The following MYO1F variants were observed in gnomAD, a reference collection of about 807,000 sequenced individuals.
The protein encoded by MYO1F is unconventional myosin-If.
Under a neutral mutation model 146.6 loss-of-function variants are expected in MYO1F, and 60 were observed. The ratio of observed to expected loss-of-function variants is 0.41; its 90% confidence interval spans 0.33 to 0.51. The LOEUF is 0.51. Ranked by LOEUF, MYO1F falls within the 20% of genes least tolerant of loss-of-function variation. MYO1F has a pLI of 0.25. For missense variants in MYO1F, 1,274 were observed against 1,534.3 expected (o/e 0.83, Z 2.83); for synonymous variants, 602 against 602.1 (o/e 1.00, Z 0.00).
Position 8,522,375 on chromosome 19 carries a change from A to G in MYO1F, c.3220+2T>C, listed in dbSNP as rs1431474386. The G allele has an allele frequency of 1.9e-6, 3 of 1,613,676 alleles. No individual in the cohort carries two copies. The highest frequency in any genetic ancestry group is 2.5e-6 in the Non-Finnish European group (3 of 1,179,954). On this transcript the variant is annotated splice_donor_variant, in intron 27 of 27. Coordinates refer to ENST00000644032, the MANE Select transcript of MYO1F (RefSeq NM_012335.4). LOFTEE classifies it high-confidence loss of function. ...CCCCAGCTTCTGCCCTGGTACACAC[A>G]CCTTCCATGAGGATCTCAATGACCT...
chr19:8,534,396 C>T (rs1972618141), intron 19 of MYO1F, among the ~76,000 whole-genome samples: 1 of 151,856 alleles, frequency 6.6e-6, no homozygotes, highest in African/African-American at 2.4e-5. Context: ...CAACCTCTGC[C>T]TCCCAGGTTC....
intron 1 of MYO1F, among the ~76,000 whole-genome samples, chr19:8,571,168 C>A (rs1468975761): frequency 6.6e-6 from 1 of 152,184 alleles, no homozygotes; most frequent in African/African-American, 2.4e-5. Context: ...CCTTCCTCAC[C>A]CAGGTCCTGC....
intron 23 of MYO1F, 93 bp from the exon 24 acceptor site, chr19:8,526,694 G>C: frequency 6.5e-7 from 1 of 1,531,946 alleles, no homozygotes. Context: ...GCCGCGGCCG[G>C]GGCCGAAGCG....
In MYO1F at chr19:8,526,917, G is replaced by T; in HGVS notation, c.2493C>A (p.Phe831Leu). 6.2e-7 allele frequency: 1 copy of T among 1,614,064 alleles called. No individual in the cohort carries two copies. Reference protein sequence around the residue: ...GVSLSTRQDDFFILQEDAADS... With the variant: ...GVSLSTRQDDLFILQEDAADS... ...CGGCGGCATCCTCTTGGAGGATGAA[G>T]AAGTCGTCCTGTCGCGTGCTGGGGA... Residue 831 changes from phenylalanine (F) to leucine (L), a missense_variant, in exon 23 of 28, where the codon TTC (phenylalanine) becomes TTA (leucine). Physicochemically the swap from Phe to Leu is conservative, Grantham distance 22. Around this residue, in one of 2 missense-constraint regions of MYO1F, gnomAD observed 374 missense variants for 379.2 expected, o/e 0.99. Coordinates refer to ENST00000644032, the MANE Select transcript of MYO1F (RefSeq NM_012335.4).
intron 19 of MYO1F, among the ~76,000 whole-genome samples, chr19:8,534,177 TAA>T (rs376071903): frequency 8.9e-5 from 12 of 134,122 alleles, no homozygotes; most frequent in Admixed American, 1.5e-4. Context: ...AGACTCTGTC[TAA>T]AAAAAAAAAA....
intron 1 of MYO1F, among the ~76,000 whole-genome samples, chr19:8,563,460 G>A (rs1568371005): frequency 6.6e-6 from 1 of 151,610 alleles, no homozygotes; most frequent in Non-Finnish European, 1.5e-5. Flanking sequence ...ACCACGCCCA[G>A]CTAACGTTTT....
chr19:8,550,505 G>T, intron 9 of MYO1F, 57 bp downstream of exon 9: 1 of 1,613,628 alleles, frequency 6.2e-7, no homozygotes. Flanking sequence ...GAGCTAGGAG[G>T]ACGCAGTTCA....
In MYO1F at chr19:8,530,335, C is replaced by G. The variant is rs868521444; in HGVS notation, c.2189G>C (p.Arg730Pro). 1.2e-6 allele frequency: 2 copies of G among 1,614,172 alleles called. No homozygotes were observed. The highest frequency in any genetic ancestry group is 8.5e-7 in the Non-Finnish European group (1 of 1,180,022). The change falls in exon 21 of 28, where the codon CGG becomes CCG. Residue 730 changes from arginine (R) to proline (P), a missense_variant. By Grantham distance (103) the Arg-to-Pro change is moderately radical. Around this residue, in one of 2 missense-constraint regions of MYO1F, gnomAD observed 900 missense variants for 1,155.1 expected, o/e 0.78. Transcript: ENST00000644032. This position sits in a 1 kb window ranked among gnomAD's most constrained non-coding sequence, Gnocchi z 5.8. ...ASNILLNKKE[R>P]RRNSINRNFV... The stretch of plus-strand genomic sequence containing the variant: ...GTTCCGATTGATGCTGTTGCGCCTC[C>G]GCTCCTTCTTGTTCAGCAGGATGTT...
At chr19:8,574,571 CTTTCTT>C (rs1183882084) in intron 1 of MYO1F, among the ~76,000 whole-genome samples, 1,259 of 89,778 alleles carry the variant, frequency 0.014, 8 homozygotes, top group African/African-American at 0.019. Flanking sequence ...TTCTTTCTTT[CTTTCTT>C]TCTCTCTCTC....
At chr19:8,558,479 C>G (rs1973948148) in intron 1 of MYO1F, among the ~76,000 whole-genome samples, 1 of 152,096 alleles carries the variant, frequency 6.6e-6, no homozygotes, top group South Asian at 2.1e-4. Flanking sequence ...ACGACACTTT[C>G]TTTAGGCCCC....
rs768131371 is a variant in MYO1F, at chr19:8,525,504, G to A, written c.2829C>T (p.Thr943=). ...CTCTGGGGGGCGCAGGGGCCGCCCG[G>A]GTAGGGGCTTGGGACGACCTCCGAG... ...GKPRRSSQAP[T]RAAPAPPRGM... The change falls in exon 25 of 28, where the codon ACC becomes ACT. Residue 943 remains threonine (T), a synonymous_variant. Coordinates refer to ENST00000644032, the MANE Select transcript of MYO1F (RefSeq NM_012335.4). 41 of 1,613,418 alleles carry A rather than the reference G, an allele frequency of 2.5e-5. No individual in the cohort carries two copies. Among genetic ancestry groups the A allele is most frequent in the Non-Finnish European group, 3.3e-5 (39 of 1,179,982 alleles).
At chr19:8,568,409 T>G in intron 1 of MYO1F, among the ~76,000 whole-genome samples, 1 of 94,776 alleles carries the variant, frequency 1.1e-5, no homozygotes, top group African/African-American at 4.6e-5. Context: ...GGTGAAAGAG[T>G]GAGACTCCGT....
chr19:8,558,668 A>G (rs2145939250), intron 1 of MYO1F, among the ~76,000 whole-genome samples: 1 of 152,224 alleles, frequency 6.6e-6, no homozygotes, highest in South Asian at 2.1e-4. Flanking sequence ...GATAGGAGTG[A>G]TGGCAACTTG....
intron 12 of MYO1F, 50 bp downstream of exon 12, chr19:8,547,986 A>G: frequency 2.3e-5 from 19 of 837,528 alleles, no homozygotes; most frequent in Non-Finnish European, 3.5e-5. Context: ...TGGTCCTTCC[A>G]CCCCACCCCC....
chr19:8,571,848 C>A (rs7258802), intron 1 of MYO1F, among the ~76,000 whole-genome samples: 3 of 152,040 alleles, frequency 2.0e-5, no homozygotes, highest in Non-Finnish European at 4.4e-5. Flanking sequence ...CTGCCCGCCT[C>A]GGCCTCCCAA....
intron 12 of MYO1F, among the ~76,000 whole-genome samples, chr19:8,546,056 CTTTTTTTTTTT>C (rs58638075): frequency 1.2e-4 from 11 of 94,938 alleles, no homozygotes; most frequent in South Asian, 9.9e-4. Context: ...TATTTTGACT[CTTTTTTTTTTT>C]TTTTTTTTTT....
intron 1 of MYO1F, among the ~76,000 whole-genome samples, chr19:8,575,313 G>C (rs2042220080): frequency 6.6e-6 from 1 of 151,910 alleles, no homozygotes; most frequent in Non-Finnish European, 1.5e-5. Flanking sequence ...TTGACTTCGT[G>C]ATCTGCCCGC....
At chr19:8,550,034 A>C in intron 10 of MYO1F, 126 bp downstream of exon 10, 3 of 1,135,088 alleles carry the variant, frequency 2.6e-6, no homozygotes, top group Non-Finnish European at 3.8e-6. Context: ...TTCTGGCCTC[A>C]AAGAATGCTC....
Position 8,536,305 on chromosome 19 carries a change from G to T in MYO1F, c.1990C>A (p.Pro664Thr). ...GTGCTCCCCATCTGGTACTGGTCGG[G>T]CTCCATGTTGACCGCCCGAAGCAGG... ...QHLLRAVNMEPDQYQMGSTKV... is the reference protein window; with the variant it reads ...QHLLRAVNMETDQYQMGSTKV... Residue 664 changes from proline to threonine, a missense_variant, in exon 19 of 28, where the codon CCC (proline) becomes ACC (threonine). Transcript: ENST00000644032. 2 of 1,607,958 alleles carry T rather than the reference G, an allele frequency of 1.2e-6. No homozygotes were observed. Among genetic ancestry groups the T allele is most frequent in the South Asian group, 1.1e-5 (1 of 91,072 alleles).
Sources: allele counts gnomAD v4.1 joint callset (sites outside exome capture counted in the v4.1 genomes callset), GRCh38; gene constraint gnomAD v4.1.1; regional missense constraint gnomAD v4.1.1; non-coding constraint Gnocchi (gnomAD v3.1); transcripts MANE v1.5; gene names NCBI Gene and HGNC (gene_info 2026-07-23, HGNC 2026-07-21).